The following ATP9B variants were observed in gnomAD, a reference collection of about 807,000 sequenced individuals.
ATP9B encodes the protein probable phospholipid-transporting ATPase IIB.
ATP9B carries 110 observed loss-of-function variants against 146.1 expected under a neutral mutation model. That is an observed-to-expected ratio of 0.75 (90% confidence interval 0.65 to 0.88). The LOEUF is 0.88. Among genes scored for constraint, ATP9B ranks in the 40% least tolerant of loss-of-function variants. ATP9B has a pLI of 0.00. For synonymous variants in ATP9B, 604 were observed against 569.7 expected, an observed-to-expected ratio of 1.06 and a Z score of -0.86; for missense variants, 1,499 against 1,496.4, an observed-to-expected ratio of 1.00 and a Z score of -0.03.
intron 7 of ATP9B, among the ~76,000 whole-genome samples, chr18:79,174,006 G>C (rs2095120050): frequency 6.6e-6 from 1 of 152,176 alleles, no homozygotes; most frequent in African/African-American, 2.4e-5. Flanking sequence ...AATCACCACT[G>C]TCCTTTCTTG....
chr18:79,325,069 C>A (rs1214979282), intron 15 of ATP9B, among the ~76,000 whole-genome samples: 6 of 152,206 alleles, frequency 3.9e-5, no homozygotes, highest in Non-Finnish European at 8.8e-5. Context: ...GAGCCCACAA[C>A]CCCTGAGCCC....
chr18:79,307,339 C>A, intron 15 of ATP9B, 105 bp downstream of exon 15: 2 of 1,502,850 alleles, frequency 1.3e-6, no homozygotes, highest in South Asian at 1.3e-5. Flanking sequence ...AGCAGTTTAT[C>A]GTAGCTTTAA....
At chr18:79,257,138 A>G (rs1176355091) in intron 12 of ATP9B, among the ~76,000 whole-genome samples, 7 of 152,158 alleles carry the variant, frequency 4.6e-5, no homozygotes, top group Admixed American at 3.3e-4. Flanking sequence ...CGTCTCTACA[A>G]AAAATACAAA....
intron 10 of ATP9B, among the ~76,000 whole-genome samples, chr18:79,207,989 G>C (rs1022198819): frequency 3.9e-5 from 6 of 152,116 alleles, no homozygotes; most frequent in Non-Finnish European, 7.4e-5. Context: ...CTCACGCCTG[G>C]AATCCCAGCA....
intron 29 of ATP9B, chr18:79,376,145 C>G (rs1384250725): frequency 4.1e-6 from 4 of 981,484 alleles, no homozygotes; most frequent in Non-Finnish European, 3.6e-6. Context: ...TGCCCCCAGC[C>G]CCTCATAAAG....
chr18:79,140,040 A>G (rs1218685037), intron 5 of ATP9B, among the ~76,000 whole-genome samples: 3 of 152,244 alleles, frequency 2.0e-5, no homozygotes, highest in African/African-American at 7.2e-5. Context: ...ATTTACAGGT[A>G]TATATAAAAT....
intron 8 of ATP9B, among the ~76,000 whole-genome samples, chr18:79,183,077 A>G (rs1045468283): frequency 1.3e-5 from 2 of 152,198 alleles, no homozygotes; most frequent in Admixed American, 1.3e-4. Context: ...ACATTCTTGC[A>G]TGGTTGGATA....
At chr18:79,207,049 C>G (rs757491511) in intron 10 of ATP9B, 37 bp downstream of exon 10, 3 of 1,577,260 alleles carry the variant, frequency 1.9e-6, no homozygotes, top group East Asian at 4.5e-5. Context: ...TGATTGCTCC[C>G]GGATAGATGA....
intron 13 of ATP9B, among the ~76,000 whole-genome samples, chr18:79,284,867 A>G (rs1286344097): frequency 4.8e-5 from 7 of 147,208 alleles, no homozygotes; most frequent in African/African-American, 1.3e-4. Flanking sequence ...GAGAATATGC[A>G]GTGTTTGGTT....
At chr18:79,169,242 T>G (rs117309438) in intron 7 of ATP9B, among the ~76,000 whole-genome samples, 4,882 of 152,292 alleles carry the variant, frequency 0.032, 113 homozygotes, top group Non-Finnish European at 0.042. Context: ...GCTATTTGTA[T>G]GGTCAACCCC....
chr18:79,338,381 T>C (rs1328834957), intron 19 of ATP9B, among the ~76,000 whole-genome samples: 1 of 152,156 alleles, frequency 6.6e-6, no homozygotes, highest in Non-Finnish European at 1.5e-5. Context: ...CCCCTCTACC[T>C]TGGCTGTGTG....
At chr18:79,211,937 A>C (rs1359799512) in intron 10 of ATP9B, among the ~76,000 whole-genome samples, 1 of 152,192 alleles carries the variant, frequency 6.6e-6, no homozygotes, top group African/African-American at 2.4e-5. Context: ...TGAGTGAGAA[A>C]TCTTTGTGAC....
chr18:79,294,480 C>T (rs891674398), intron 13 of ATP9B, among the ~76,000 whole-genome samples: 2 of 152,216 alleles, frequency 1.3e-5, no homozygotes, highest in Non-Finnish European at 1.5e-5. Flanking sequence ...ACAGGAGAAA[C>T]GGCCAGTGGC....
chr18:79,159,206 T>C (rs2094840555), intron 7 of ATP9B, among the ~76,000 whole-genome samples: 2 of 152,196 alleles, frequency 1.3e-5, no homozygotes, highest in South Asian at 4.1e-4. Flanking sequence ...TCTGTCAATC[T>C]GCTTGTTTAA....
chr18:79,319,527 G>A (rs1027523820), intron 15 of ATP9B, among the ~76,000 whole-genome samples: 5 of 152,238 alleles, frequency 3.3e-5, no homozygotes, highest in Middle Eastern at 3.4e-3. Flanking sequence ...CCTTCCGTAG[G>A]GGTCCCTGCT....
intron 12 of ATP9B, among the ~76,000 whole-genome samples, chr18:79,264,164 G>GT (rs1392741384): frequency 6.6e-6 from 1 of 152,180 alleles, no homozygotes; most frequent in Non-Finnish European, 1.5e-5. Context: ...ACCAGATAAT[G>GT]TTTAACTGTT....
chr18:79,352,581 G>T (rs544728105), intron 25 of ATP9B: 1 of 152,330 alleles, frequency 6.6e-6, no homozygotes, highest in East Asian at 1.9e-4. Context: ...CAGCCAGACG[G>T]CCTCAAAACC....
chr18:79,304,993 G>C (rs1469906131), intron 14 of ATP9B, among the ~76,000 whole-genome samples: 1 of 152,146 alleles, frequency 6.6e-6, no homozygotes, highest in African/African-American at 2.4e-5. Flanking sequence ...GGGTGTGACA[G>C]TTCCCAGCGC....
At chr18:79,300,777 A>G (rs774817568) in intron 13 of ATP9B, among the ~76,000 whole-genome samples, 2 of 152,226 alleles carry the variant, frequency 1.3e-5, no homozygotes, top group Admixed American at 6.5e-5. Flanking sequence ...TTAAAATCCT[A>G]AAGAAGTAAT....
Sources: gnomAD v4.1 joint callset for allele counts (sites outside exome capture counted in the v4.1 genomes callset) on GRCh38, gnomAD v4.1.1 for gene constraint, MANE v1.5 for transcripts, NCBI Gene and HGNC (gene_info 2026-07-23, HGNC 2026-07-21) for gene names.